NAV3: variants seen among roughly 807,000 people sequenced by gnomAD.
NAV3 encodes neuron navigator 3, also known as pore membrane and/or filament interacting like protein 1.
NAV3 carries 87 observed loss-of-function variants against 244.7 expected under a neutral mutation model. The ratio of observed to expected loss-of-function variants is 0.36; its 90% CI spans 0.30 to 0.42. NAV3 has a LOEUF of 0.42. Among genes scored for constraint, NAV3 ranks in the 20% least tolerant of loss-of-function variants. The pLI is 1.00. For synonymous variants in NAV3, 1,126 were observed against 1,042.2 expected, an observed-to-expected ratio of 1.08 and a Z score of -1.55; for missense variants, 2,663 against 2,893.3, an observed-to-expected ratio of 0.92 and a Z score of 1.83.
At chr12:78,089,845 C>T (rs946645324) in intron 12 of NAV3, among the ~76,000 whole-genome samples, 1 of 152,136 alleles carries the variant, frequency 6.6e-6, no homozygotes, top group South Asian at 2.1e-4. Context: ...ACTTCATCTT[C>T]CATTCCTCTT....
intron 2 of NAV3, among the ~76,000 whole-genome samples, chr12:77,623,950 C>T (rs1482942228): frequency 6.6e-6 from 1 of 152,162 alleles, no homozygotes; most frequent in Non-Finnish European, 1.5e-5. Context: ...TAAACTCATC[C>T]ATTCTTTCAA....
chr12:77,892,883 T>C (rs1419863364), intron 1 of NAV3, among the ~76,000 whole-genome samples: 2 of 152,172 alleles, frequency 1.3e-5, no homozygotes, highest in South Asian at 4.1e-4. Flanking sequence ...AAATTTATGT[T>C]GGCTATTAAA....
chr12:77,972,009 A>G (rs1893036666), intron 5 of NAV3, among the ~76,000 whole-genome samples: 1 of 152,196 alleles, frequency 6.6e-6, no homozygotes, highest in Non-Finnish European at 1.5e-5. Flanking sequence ...TTTCATTTAA[A>G]CAGAAATTTG....
chr12:78,102,561 G>A (rs1036215136), intron 12 of NAV3, among the ~76,000 whole-genome samples: 4 of 152,192 alleles, frequency 2.6e-5, no homozygotes, highest in Non-Finnish European at 4.4e-5. Context: ...CCACTAGGCC[G>A]TGCTCCAGTA....
rs1391984769 is a variant in NAV3 at position 78,181,062 on chromosome 12, G to T, written c.5692+17G>T. 6.2e-7 allele frequency: 1 copy of T among 1,611,142 alleles called. No individual in the cohort carries two copies. Among genetic ancestry groups the T allele is most frequent in the African/African-American group, 1.3e-5 (1 of 74,792 alleles). ...TTAGCTCAGGTGATTTAGTGCACATGCTTGCCTGAATCACAGCATACCCAT... is the reference window on the plus strand; with the variant it reads ...TTAGCTCAGGTGATTTAGTGCACATTCTTGCCTGAATCACAGCATACCCAT... On this transcript the variant is annotated intron_variant, in intron 30 of 39. Coordinates refer to ENST00000397909, the MANE Select transcript of NAV3 (RefSeq NM_001024383.2).
At chr12:78,099,556 C>T (rs947008563) in intron 12 of NAV3, among the ~76,000 whole-genome samples, 2 of 151,830 alleles carry the variant, frequency 1.3e-5, no homozygotes, top group Admixed American at 1.3e-4. Context: ...GAAAAAGATA[C>T]CAAATGGTCT....
Position 78,137,348 on chromosome 12 carries a change from G to C in NAV3, c.4613G>C (p.Arg1538Thr). Residue 1538 changes from arginine to threonine, a missense_variant, in exon 19 of 40, where the codon AGA becomes ACA. Arg to Thr is a moderately conservative substitution (Grantham distance 71). Around this residue, in one of 6 missense-constraint regions of NAV3, gnomAD observed 354 missense variants for 413.0 expected, o/e 0.86. Coordinates refer to ENST00000397909, the MANE Select transcript of NAV3 (RefSeq NM_001024383.2). ...GCCATCAGTCATTCGGGCTCATTCA[G>C]AGACAGCATGGAAGAAGGTAAGCGT... ...PRAISHSGSF[R>T]DSMEEVHGSS... The C allele has an allele frequency of 6.2e-7, 1 of 1,611,664 alleles. No homozygotes were observed. Among genetic ancestry groups the C allele is most frequent in the Non-Finnish European group, 8.5e-7 (1 of 1,179,284 alleles).
chr12:77,614,074 C>CTT lies in NAV3; in HGVS notation c.72+41834_72+41835dup, dbSNP rs71440485. Among the ~76,000 whole-genome samples the CTT allele has an allele frequency of 1.8e-3, 170 of 95,672 alleles. 4 individuals carry two copies. Among genetic ancestry groups the CTT allele is most frequent in the Non-Finnish European group, 2.5e-3 (127 of 50,940 alleles). 62.8% of individuals were successfully genotyped at this position (95,672 alleles called of 152,430 possible). A position where few individuals can be genotyped will look rare whatever the true frequency, so the allele number is the denominator to read the frequency against. ...GACTTTGCCTTTCTTTTCTTTCTCT[C>CTT]TTTTTTTTTTTTTTTTTTTTTTTTT... On this transcript the variant is annotated intron_variant, in intron 2 of 8. Transcript: ENST00000550042.
chr12:77,724,206 A>C (rs892668141), intron 2 of NAV3, among the ~76,000 whole-genome samples: 3 of 151,964 alleles, frequency 2.0e-5, no homozygotes, highest in Non-Finnish European at 2.9e-5. Context: ...TTTTCATATA[A>C]AATTTTGGCT....
At chr12:78,199,281 G>T (rs1959365939) in intron 36 of NAV3, 54 bp from the exon 37 acceptor site, 1 of 1,232,750 alleles carries the variant, frequency 8.1e-7, no homozygotes, top group Admixed American at 2.2e-5. Context: ...AAGAATCACT[G>T]TGAATGTAAA....
At chr12:77,636,419 T>C (rs1872156360) in intron 2 of NAV3, among the ~76,000 whole-genome samples, 2 of 148,588 alleles carry the variant, frequency 1.3e-5, no homozygotes. Flanking sequence ...GAGCCGAGAT[T>C]GCACCACTGC....
Position 78,006,889 on chromosome 12 carries a change from G to A in NAV3, c.1351G>A (p.Ala451Thr), listed in dbSNP as rs1215249883. 1 of 1,614,036 alleles carries A rather than the reference G, an allele frequency of 6.2e-7. No individual in the cohort carries two copies. The highest frequency in any genetic ancestry group is 8.5e-7 in the Non-Finnish European group (1 of 1,180,016). Residue 451 changes from alanine (A) to threonine (T), a missense_variant, in exon 8 of 40, where the codon GCT (alanine) becomes ACT (threonine). Transcript: ENST00000397909. ...KVSPKLAPPK[A>T]GSKNLSNKKS... The stretch of plus-strand genomic sequence containing the variant: ...GTCACCTAAGTTGGCCCCTCCAAAA[G>A]CTGGAAGCAAAAATCTCAGCAATAA...
chr12:77,659,764 G>GGAAT (rs1873338233), intron 2 of NAV3, among the ~76,000 whole-genome samples: 1 of 152,108 alleles, frequency 6.6e-6, no homozygotes, highest in African/African-American at 2.4e-5. Flanking sequence ...TATACACCAT[G>GGAAT]GAATACTATG....
chr12:77,776,221 A>G (rs542621528), intron 2 of NAV3, among the ~76,000 whole-genome samples: 7 of 152,360 alleles, frequency 4.6e-5, no homozygotes, highest in African/African-American at 1.7e-4. Context: ...TATTTGAAAA[A>G]TGTAAAACAT....
intron 1 of NAV3, among the ~76,000 whole-genome samples, chr12:77,888,557 A>G (rs1883566550): frequency 6.6e-6 from 1 of 152,204 alleles, no homozygotes. Context: ...CTTTATCTTA[A>G]TACAGTAAGA....
intron 9 of NAV3, among the ~76,000 whole-genome samples, chr12:78,048,574 C>A (rs1170110320): frequency 6.6e-6 from 1 of 152,200 alleles, no homozygotes; most frequent in South Asian, 2.1e-4. Context: ...ATTGCTGCCT[C>A]TTCCTTCCTC....
chr12:77,906,992 T>A (rs1224146756), intron 1 of NAV3, among the ~76,000 whole-genome samples: 1 of 152,166 alleles, frequency 6.6e-6, no homozygotes, highest in African/African-American at 2.4e-5. Flanking sequence ...ATGGCTTCAG[T>A]GCCCTTCAAG....
chr12:78,209,364 AC>A (rs1418147043), intron 39 of NAV3, among the ~76,000 whole-genome samples: 1 of 149,962 alleles, frequency 6.7e-6, no homozygotes, highest in Admixed American at 6.7e-5. Context: ...GAAAAAAAAA[AC>A]TTTTGATTAT....
At chr12:77,596,489 G>T (rs1870174427) in intron 2 of NAV3, among the ~76,000 whole-genome samples, 1 of 151,838 alleles carries the variant, frequency 6.6e-6, no homozygotes, top group Non-Finnish European at 1.5e-5. Context: ...GAGTAAAATT[G>T]CATAAAATTT....
Sources: gnomAD v4.1 joint callset for allele counts (sites outside exome capture counted in the v4.1 genomes callset) on GRCh38, gnomAD v4.1.1 for gene constraint, gnomAD v4.1.1 regional missense constraint, MANE v1.5 for transcripts, NCBI Gene and HGNC (gene_info 2026-07-23, HGNC 2026-07-21) for gene names.